Variants in SDK1 observed in about 807,000 individuals in gnomAD.
SDK1 encodes protein sidekick-1.
Under a neutral mutation model 245.5 loss-of-function variants are expected in SDK1, and 157 were observed. That is an observed-to-expected ratio of 0.64 (90% CI 0.56 to 0.73). The LOEUF (loss-of-function observed/expected upper bound fraction) is 0.73. Ranked by LOEUF, SDK1 falls within the 30% of genes least tolerant of loss-of-function variation. The pLI is 0.00. For missense variants in SDK1, 3,583 were observed against 3,002.3 expected (o/e 1.19, Z -4.52); for synonymous variants, 1,647 against 1,278.5 (o/e 1.29, Z -6.15).
Position 3,622,153 on chromosome 7 carries a change from C to G in SDK1, c.458+2914C>G, listed in dbSNP as rs111618768. Among the ~76,000 whole-genome samples the G allele has an allele frequency of 5.9e-5, 9 of 152,164 alleles. 1 individual carries two copies. The highest frequency in any genetic ancestry group is 4.2e-4 in the South Asian group (2 of 4,814). Reference sequence around the variant, plus strand: ...ACGCTAAGTTTATTGGGACATAACACCTTCATAAGGCTAGCAGCATTTCAA... The same window carrying G: ...ACGCTAAGTTTATTGGGACATAACAGCTTCATAAGGCTAGCAGCATTTCAA... On this transcript the variant is annotated intron_variant, in intron 2 of 44. Coordinates refer to ENST00000404826, the MANE Select transcript of SDK1 (RefSeq NM_152744.4).
At position 3,621,431 on chromosome 7, in the gene SDK1, G is replaced by A. The variant is rs965244276; in HGVS notation, c.458+2192G>A. On this transcript the variant is annotated intron_variant, in intron 2 of 44. Coordinates refer to ENST00000404826, the MANE Select transcript of SDK1 (RefSeq NM_152744.4). The stretch of plus-strand genomic sequence containing the variant: ...AATTAAATTACATAGTGCTTTGTAT[G>A]CCCCAGAAAGAAAGGAATGGAGTTT... Among the ~76,000 whole-genome samples the A allele has an allele frequency of 1.1e-4, 17 of 152,246 alleles. No homozygotes were observed. The East Asian group carries it at 3.3e-3, about 29-fold the overall frequency.
chr7:3,876,704 A>G (rs931625950), intron 5 of SDK1, among the ~76,000 whole-genome samples: 1 of 152,228 alleles, frequency 6.6e-6, no homozygotes, highest in Non-Finnish European at 1.5e-5. Flanking sequence ...TTGGAGAGGA[A>G]TGGATACTTA....
At chr7:3,471,885 G>C (rs1395894812) in intron 1 of SDK1, among the ~76,000 whole-genome samples, 1 of 152,192 alleles carries the variant, frequency 6.6e-6, no homozygotes, top group Admixed American at 6.5e-5. Context: ...AAATATTGAA[G>C]TGTTTTGCAT....
At chr7:4,074,923 T>A (rs1194299617) in intron 20 of SDK1, among the ~76,000 whole-genome samples, 5 of 130,450 alleles carry the variant, frequency 3.8e-5, no homozygotes, top group Non-Finnish European at 6.4e-5. Context: ...TATATTTTTT[T>A]TTTTTTTTAA....
chr7:3,301,608 TCGG>T lies in SDK1; in HGVS notation c.27_29del (p.Ala10del). On this transcript the variant is annotated inframe_deletion, in exon 1 of 45. Coordinates refer to ENST00000404826, the MANE Select transcript of SDK1 (RefSeq NM_152744.4). ...CGGCATGGCCCGGGGCGCCCGGCCC[TCGG>T]CGGCCGGTGGCGGCGGCGGCGGCGC... is the stretch of plus-strand genomic sequence containing the variant. 1 of 971,796 alleles carries T rather than the reference TCGG, an allele frequency of 1.0e-6. No homozygotes were observed. The highest frequency in any genetic ancestry group is 1.2e-6 in the Non-Finnish European group (1 of 824,150). 60.2% of individuals were successfully genotyped at this position (971,796 alleles called of 1,614,324 possible).
In SDK1 at chr7:3,357,627, C is replaced by T. The variant is rs1583736999; in HGVS notation, c.298+55743C>T. Reference sequence around the variant, plus strand: ...CCTCCCGAAGTGCTGGGATGACAGGCATGAGCCGCACGCCCAGCCCACTCC... The same window carrying T: ...CCTCCCGAAGTGCTGGGATGACAGGTATGAGCCGCACGCCCAGCCCACTCC... On this transcript the variant is annotated intron_variant, in intron 1 of 44. Coordinates refer to ENST00000404826, the MANE Select transcript of SDK1 (RefSeq NM_152744.4). Among the ~76,000 whole-genome samples the T allele has an allele frequency of 1.4e-4, 21 of 152,090 alleles. No homozygotes were observed. In the South Asian group the frequency reaches 4.4e-3, roughly 32 times the overall value.
At chr7:4,074,856 T>TACTTTCCCTCTCTC (rs1486926440) in intron 20 of SDK1, among the ~76,000 whole-genome samples, 56 of 71,996 alleles carry the variant, frequency 7.8e-4, no homozygotes, top group Non-Finnish European at 1.1e-3. Flanking sequence ...GAGCAAGACT[T>TACTTTCCCTCTCTC]TCTCTCTCTC....
At chr7:3,908,101 G>A (rs941001404) in intron 5 of SDK1, among the ~76,000 whole-genome samples, 4 of 152,094 alleles carry the variant, frequency 2.6e-5, no homozygotes, top group South Asian at 2.1e-4. Context: ...TTGAGTGCCC[G>A]TAATGTGCTG....
intron 4 of SDK1, among the ~76,000 whole-genome samples, chr7:3,756,383 C>G (rs974079325): frequency 6.6e-6 from 1 of 151,656 alleles, no homozygotes; most frequent in African/African-American, 2.4e-5. Context: ...CATGGCATAG[C>G]ACATGTGACA....
rs190911015 is a variant in SDK1, at chr7:3,807,588, C to A, written c.714-13862C>A. ...AGACAAAGACACACGAAGACAGGCACACAGAGAGAAACAGAGAGAGTGGGC... is the reference window on the plus strand; with the variant it reads ...AGACAAAGACACACGAAGACAGGCAAACAGAGAGAAACAGAGAGAGTGGGC... On this transcript the variant is annotated intron_variant, in intron 4 of 44. Transcript: ENST00000404826. Among the ~76,000 whole-genome samples the A allele has an allele frequency of 5.3e-5, 8 of 152,224 alleles. No individual in the cohort carries two copies. The East Asian group carries it at 1.5e-3, about 29-fold the overall frequency.
At chr7:4,184,843 G>T (rs1782792608) in intron 35 of SDK1, among the ~76,000 whole-genome samples, 1 of 152,174 alleles carries the variant, frequency 6.6e-6, no homozygotes, top group South Asian at 2.1e-4. Flanking sequence ...GGCATGGCTG[G>T]ATCCAGCGCC....
intron 44 of SDK1, among the ~76,000 whole-genome samples, chr7:4,246,330 C>T (rs1008620065): frequency 4.6e-5 from 7 of 152,220 alleles, no homozygotes; most frequent in Non-Finnish European, 7.4e-5. Flanking sequence ...TGGGCCTAGA[C>T]CACCTCTTAC....
At chr7:4,158,135 G>A (rs909509811) in intron 30 of SDK1, among the ~76,000 whole-genome samples, 2 of 152,138 alleles carry the variant, frequency 1.3e-5, no homozygotes, top group African/African-American at 4.8e-5. Flanking sequence ...CTTCCCCCTG[G>A]CCAGGACGCC....
chr7:3,672,794 T>TTTATATATATAA (rs1783756270), intron 4 of SDK1, among the ~76,000 whole-genome samples: 3 of 65,580 alleles, frequency 4.6e-5, no homozygotes, highest in Admixed American at 4.3e-4. Flanking sequence ...TATATATATA[T>TTTATATATATAA]AAAAAATACA....
chr7:3,650,871 G>C (rs1158810229), intron 4 of SDK1, among the ~76,000 whole-genome samples: 1 of 149,022 alleles, frequency 6.7e-6, no homozygotes, highest in Non-Finnish European at 1.5e-5. Context: ...ATTCATCCAG[G>C]TTATTGTCTG....
intron 1 of SDK1, among the ~76,000 whole-genome samples, chr7:3,595,322 A>G (rs1781018500): frequency 6.6e-6 from 1 of 152,106 alleles, no homozygotes; most frequent in Non-Finnish European, 1.5e-5. Flanking sequence ...AAATTCATTT[A>G]TATACTTCTA....
chr7:3,575,021 C>T (rs1780239761), intron 1 of SDK1, among the ~76,000 whole-genome samples: 1 of 152,054 alleles, frequency 6.6e-6, no homozygotes, highest in South Asian at 2.1e-4. Flanking sequence ...ATCACAGCCT[C>T]CCATTCCTGT....
At chr7:3,851,071 T>C (rs989995637) in intron 5 of SDK1, among the ~76,000 whole-genome samples, 1 of 152,194 alleles carries the variant, frequency 6.6e-6, no homozygotes, top group African/African-American at 2.4e-5. Flanking sequence ...CCAAACCTGA[T>C]GGTGCAACTA....
chr7:3,910,120 C>T (rs144501745), intron 5 of SDK1, among the ~76,000 whole-genome samples: 156 of 152,234 alleles, frequency 1.0e-3, no homozygotes, highest in African/African-American at 3.6e-3. Flanking sequence ...TGCGAATGGC[C>T]CCCTGCGTGG....
Sources: gnomAD v4.1 joint callset for allele counts (sites outside exome capture counted in the v4.1 genomes callset) on GRCh38, gnomAD v4.1.1 for gene constraint, MANE v1.5 for transcripts, NCBI Gene and HGNC (gene_info 2026-07-23, HGNC 2026-07-21) for gene names.